KLHL18: variants seen among roughly 807,000 people sequenced by gnomAD.
KLHL18 encodes the protein kelch-like protein 18.
A neutral mutation model predicts 58.5 loss-of-function variants in KLHL18; 38 were observed. The ratio of observed to expected loss-of-function variants is 0.65; its 90% CI spans 0.50 to 0.85. The LOEUF (loss-of-function observed/expected upper bound fraction) is 0.85. Ranked by LOEUF, KLHL18 falls within the 40% of genes least tolerant of loss-of-function variation. The pLI, the probability that KLHL18 is intolerant of heterozygous loss-of-function variation, is 0.00. For synonymous variants in KLHL18, 303 were observed against 301.9 expected (o/e 1.00, Z -0.04); for missense variants, 624 against 778.4 (o/e 0.80, Z 2.36).
intron 1 of KLHL18, among the ~76,000 whole-genome samples, chr3:47,288,010 CAA>C (rs1430713792): frequency 6.6e-6 from 1 of 151,996 alleles, no homozygotes; most frequent in Non-Finnish European, 1.5e-5. Flanking sequence ...ATCACGAGAT[CAA>C]GAGATCAAGA....
At chr3:47,307,856 C>T (rs113073017) in intron 1 of KLHL18, among the ~76,000 whole-genome samples, 1 of 152,144 alleles carries the variant, frequency 6.6e-6, no homozygotes, top group Non-Finnish European at 1.5e-5. Flanking sequence ...ATCAAGTTTA[C>T]ATATATATGG....
chr3:47,297,839 A>G (rs1311045857), intron 1 of KLHL18, among the ~76,000 whole-genome samples: 1 of 152,124 alleles, frequency 6.6e-6, no homozygotes, highest in African/African-American at 2.4e-5. Context: ...CTGGATGGAG[A>G]GACATTCATT....
intron 1 of KLHL18, among the ~76,000 whole-genome samples, chr3:47,284,116 C>T (rs1045060126): frequency 6.6e-6 from 1 of 151,960 alleles, no homozygotes; most frequent in African/African-American, 2.4e-5. Context: ...CCCGTAGTCC[C>T]AGCTACTCAG....
At chr3:47,340,475 A>G in intron 7 of KLHL18, 97 bp from the exon 8 acceptor site, 1 of 1,572,424 alleles carries the variant, frequency 6.4e-7, no homozygotes, top group Non-Finnish European at 8.7e-7. Context: ...TTTACGTTGC[A>G]GAAAGAGGCA....
intron 4 of KLHL18, 112 bp from the exon 5 acceptor site, chr3:47,333,045 A>T: frequency 1.9e-6 from 2 of 1,062,874 alleles, no homozygotes; most frequent in South Asian, 1.7e-5. Context: ...GAAAAGATTG[A>T]TGGGCCCAAG....
chr3:47,338,739 C>G (rs1019858993), intron 7 of KLHL18: 1 of 152,268 alleles, frequency 6.6e-6, no homozygotes, highest in East Asian at 1.9e-4. Flanking sequence ...GGGAGAATTG[C>G]TTAAACCGGG....
intron 1 of KLHL18, among the ~76,000 whole-genome samples, chr3:47,284,647 A>C (rs989695035): frequency 3.3e-5 from 5 of 151,648 alleles, no homozygotes; most frequent in African/African-American, 7.3e-5. Context: ...TGCTCTTCTT[A>C]TTTTCTACAT....
intron 1 of KLHL18, 74 bp from the exon 2 acceptor site, chr3:47,319,579 G>A (rs1284597348): frequency 5.9e-6 from 9 of 1,530,518 alleles, no homozygotes; most frequent in Admixed American, 1.8e-5. Flanking sequence ...GGAGGGGCAG[G>A]GTGGGTTTTT....
rs532067874 is a variant in KLHL18, at chr3:47,318,278, C to T, written c.130-1375C>T. Reference sequence around the variant, plus strand: ...AAGTTGCTGTCATCTGAAGGCTTGGCTGGAGCTGGAGGATGCTCTTCCAAG... The same window carrying T: ...AAGTTGCTGTCATCTGAAGGCTTGGTTGGAGCTGGAGGATGCTCTTCCAAG... On this transcript the variant is annotated intron_variant, in intron 1 of 9. Coordinates refer to ENST00000232766, the MANE Select transcript of KLHL18 (RefSeq NM_025010.5). 2.0e-5 allele frequency among the ~76,000 whole-genome samples: 3 copies of T among 152,320 alleles called. No individual in the cohort carries two copies. In the South Asian group the frequency reaches 6.2e-4, roughly 32 times the overall value.
chr3:47,321,358 T>C lies in KLHL18; in HGVS notation c.261-1210T>C, dbSNP rs1703583315. 2.6e-5 allele frequency among the ~76,000 whole-genome samples: 4 copies of C among 151,746 alleles called. No homozygotes were observed. In the South Asian group the frequency reaches 8.3e-4, roughly 31 times the overall value. Reference sequence around the variant, plus strand: ...TTTGTTTTGTTTTGTTTTGTTTTTTTTTTTTTGAGATGGAATCTCACTCTG... The same window carrying C: ...TTTGTTTTGTTTTGTTTTGTTTTTTCTTTTTTGAGATGGAATCTCACTCTG... On this transcript the variant is annotated intron_variant, in intron 2 of 9. Coordinates refer to ENST00000232766, the MANE Select transcript of KLHL18 (RefSeq NM_025010.5).
chr3:47,335,101 C>A (rs1298252838), intron 6 of KLHL18, among the ~76,000 whole-genome samples: 1 of 152,192 alleles, frequency 6.6e-6, no homozygotes. Flanking sequence ...TATGTTCATA[C>A]AATTGTTTTT....
intron 1 of KLHL18, among the ~76,000 whole-genome samples, chr3:47,299,087 T>C (rs1470612058): frequency 6.6e-6 from 1 of 152,234 alleles, no homozygotes; most frequent in Non-Finnish European, 1.5e-5. Flanking sequence ...TGTATTTCAA[T>C]TTTAGAAGAA....
rs142998157 is a variant in KLHL18, at chr3:47,285,056, G to A, written c.129+1962G>A. On this transcript the variant is annotated intron_variant, in intron 1 of 9. Coordinates refer to ENST00000232766, the MANE Select transcript of KLHL18 (RefSeq NM_025010.5). Reference sequence around the variant, plus strand: ...CAGACTGCTCCTGACCTCGTGATCCGCCCACCTCAGCCTCCCAAAGTGCTG... The same window carrying A: ...CAGACTGCTCCTGACCTCGTGATCCACCCACCTCAGCCTCCCAAAGTGCTG... Among the ~76,000 whole-genome samples, 545 of 151,972 alleles carry A rather than the reference G, an allele frequency of 3.6e-3. 3 individuals are homozygous for A. The highest frequency in any genetic ancestry group is 4.6e-3 in the Non-Finnish European group (312 of 67,940).
At chr3:47,335,966 G>T (rs568177839) in intron 6 of KLHL18, among the ~76,000 whole-genome samples, 6 of 152,234 alleles carry the variant, frequency 3.9e-5, no homozygotes, top group Admixed American at 1.3e-4. Flanking sequence ...AGGAAGAGGG[G>T]GTTATTTTGT....
chr3:47,296,420 G>A (rs1269587439), intron 1 of KLHL18, among the ~76,000 whole-genome samples: 1 of 152,194 alleles, frequency 6.6e-6, no homozygotes, highest in East Asian at 1.9e-4. Flanking sequence ...ACCTGTGCTT[G>A]GTGCTTGTAG....
chr3:47,301,936 C>T (rs1703034502), intron 1 of KLHL18, among the ~76,000 whole-genome samples: 1 of 152,114 alleles, frequency 6.6e-6, no homozygotes. Context: ...GTTGGGACCA[C>T]AGGTGCACAC....
At chr3:47,340,180 A>C (rs1290845712) in intron 7 of KLHL18, among the ~76,000 whole-genome samples, 1 of 152,192 alleles carries the variant, frequency 6.6e-6, no homozygotes, top group African/African-American at 2.4e-5. Context: ...TGGATGAATG[A>C]ATGATTGTAA....
At chr3:47,328,992 G>A (rs1447065523) in intron 3 of KLHL18, among the ~76,000 whole-genome samples, 1 of 151,856 alleles carries the variant, frequency 6.6e-6, no homozygotes, top group Non-Finnish European at 1.5e-5. Context: ...AATTAGCCAG[G>A]CATGGTGGCA....
At chr3:47,285,554 T>TG (rs941061392) in intron 1 of KLHL18, among the ~76,000 whole-genome samples, 3 of 147,530 alleles carry the variant, frequency 2.0e-5, no homozygotes, top group African/African-American at 5.0e-5. Flanking sequence ...CCGTCTCTAT[T>TG]GGGGAAAAAA....
Sources: allele counts gnomAD v4.1 joint callset (sites outside exome capture counted in the v4.1 genomes callset), GRCh38; gene constraint gnomAD v4.1.1; transcripts MANE v1.5; gene names NCBI Gene and HGNC (gene_info 2026-07-23, HGNC 2026-07-21).